Variants in POGZ observed in about 807,000 individuals in gnomAD.
POGZ encodes pogo transposable element with ZNF domain.
A neutral mutation model predicts 134.6 loss-of-function variants in POGZ; 17 were observed. The observed-to-expected ratio is 0.13, with a 90% CI of 0.09 to 0.19. The LOEUF is 0.19. Among genes scored for constraint, POGZ ranks in the 10% least tolerant of loss-of-function variants. The probability of loss-of-function intolerance (pLI) is 1.00; values close to 1 mark genes in which losing one functional copy is unlikely to be tolerated. For missense variants in POGZ, 1,306 were observed against 1,769.7 expected (o/e 0.74, Z 4.70); for synonymous variants, 693 against 657.1 (o/e 1.05, Z -0.84).
At chr1:151,448,647 A>G (rs1661601496) in intron 1 of POGZ, among the ~76,000 whole-genome samples, 2 of 151,986 alleles carry the variant, frequency 1.3e-5, no homozygotes. Flanking sequence ...TAATTCTTTG[A>G]GCCCAGAGGT....
At chr1:151,441,147 G>T (rs574184348) in intron 2 of POGZ, 61 bp from the exon 3 acceptor site, 16 of 1,349,130 alleles carry the variant, frequency 1.2e-5, no homozygotes, top group Admixed American at 2.2e-5. Context: ...AAAGGATACT[G>T]CTCTAATCTT....
intron 10 of POGZ, among the ~76,000 whole-genome samples, chr1:151,416,810 C>T (rs971490533): frequency 3.6e-4 from 55 of 151,724 alleles, no homozygotes; most frequent in African/African-American, 1.2e-3. Context: ...AATACAAAAA[C>T]AGAGAGAGAT....
At position 151,416,210 on chromosome 1, in the gene POGZ, CAAAA is replaced by C. The variant is rs1212371839; in HGVS notation, c.1679-3818_1679-3815del. 7.5e-4 allele frequency among the ~76,000 whole-genome samples: 32 copies of C among 42,774 alleles called. No homozygotes were observed. In the East Asian group the frequency reaches 0.018, roughly 23 times the overall value. The allele number at this position is 42,774 out of a possible 152,430, so 28.1% of individuals were successfully genotyped here. A position where few individuals can be genotyped will look rare whatever the true frequency, so the allele number is the denominator to read the frequency against. On this transcript the variant is annotated intron_variant, in intron 10 of 18. Coordinates refer to ENST00000271715, the MANE Select transcript of POGZ (RefSeq NM_015100.4). ...GGGTGACAAGAGTGAAACTCCATCT[CAAAA>C]AAAAAAAAAAAAAAAAAAAAAGAAA...
chr1:151,432,915 TG>T (rs1171156567), intron 3 of POGZ, among the ~76,000 whole-genome samples: 1 of 152,230 alleles, frequency 6.6e-6, no homozygotes, highest in Non-Finnish European at 1.5e-5. Context: ...GTTTGCAAAG[TG>T]CAACTGATGA....
In POGZ at chr1:151,403,670, T is replaced by C. The variant is rs1426987320; in HGVS notation, c.*1132A>G. On this transcript the variant is annotated 3_prime_UTR_variant, in exon 19 of 19. Transcript: ENST00000271715. Reference sequence around the variant, plus strand: ...GTGCACACCCCTGTGCGCTTCTTCCTGTCAGATTCTTCCCTAAGTATTAAG... The same window carrying C: ...GTGCACACCCCTGTGCGCTTCTTCCCGTCAGATTCTTCCCTAAGTATTAAG... 1.0e-6 allele frequency: 1 copy of C among 985,732 alleles called. No individual in the cohort carries two copies. Among genetic ancestry groups the C allele is most frequent in the Non-Finnish European group, 1.2e-6 (1 of 829,886 alleles). The allele number at this position is 985,732 out of a possible 1,614,324, so 61.1% of individuals were successfully genotyped here. A position where few individuals can be genotyped will look rare whatever the true frequency, so the allele number is the denominator to read the frequency against.
chr1:151,431,175 C>T (rs1426481651), intron 3 of POGZ, among the ~76,000 whole-genome samples: 1 of 152,098 alleles, frequency 6.6e-6, no homozygotes, highest in African/African-American at 2.4e-5. Context: ...ATTTAAGTTT[C>T]ACCCAAATCT....
intron 3 of POGZ, among the ~76,000 whole-genome samples, chr1:151,431,586 C>T (rs1407069891): frequency 6.6e-6 from 1 of 152,148 alleles, no homozygotes; most frequent in Admixed American, 6.5e-5. Flanking sequence ...CCGTAGCCCT[C>T]TCTTTATGTC....
At chr1:151,458,263 G>A (rs1663006859) in intron 1 of POGZ, among the ~76,000 whole-genome samples, 1 of 151,948 alleles carries the variant, frequency 6.6e-6, no homozygotes, top group African/African-American at 2.4e-5. Context: ...TTTGCAAAAG[G>A]TGCCAAGAAT....
At position 151,406,156 on chromosome 1, in the gene POGZ, C is replaced by G. The variant is rs1384096843; in HGVS notation, c.2879G>C (p.Gly960Ala). The part of the protein sequence containing the change: ...PVTQEPELAS[G>A]GGGSGGVGKK... ...GCCAACTCCACCACTACCACCACCA[C>G]CTGATGCTAGCTCAGGTTCTTGGGT... Residue 960 changes from glycine to alanine, a missense_variant, in exon 19 of 19, where the codon GGT becomes GCT. Coordinates refer to ENST00000271715, the MANE Select transcript of POGZ (RefSeq NM_015100.4). 18 of 1,614,094 alleles carry G rather than the reference C, an allele frequency of 1.1e-5. No homozygotes were observed. The highest frequency in any genetic ancestry group is 1.4e-5 in the Non-Finnish European group (17 of 1,180,046).
At chr1:151,440,580 TA>T (rs1660373789) in intron 3 of POGZ, among the ~76,000 whole-genome samples, 1 of 152,156 alleles carries the variant, frequency 6.6e-6, no homozygotes, top group Admixed American at 6.5e-5. Flanking sequence ...GGAAAATTCT[TA>T]CCAAACTAAT....
In POGZ at chr1:151,404,742, C is replaced by A. The variant is rs1653254170; in HGVS notation, c.*60G>T. 2 of 1,514,104 alleles carry A rather than the reference C, an allele frequency of 1.3e-6. No homozygotes were observed. Among genetic ancestry groups the A allele is most frequent in the East Asian group, 4.6e-5 (2 of 43,864 alleles). 93.8% of individuals were successfully genotyped at this position (1,514,104 alleles called of 1,614,324 possible). ...CTGGTATGCCCCCTTTTCCCTAAGC[C>A]CCTTTACCCTCCCTCACATGTTCCC... On this transcript the variant is annotated 3_prime_UTR_variant, in exon 19 of 19. Coordinates refer to ENST00000271715, the MANE Select transcript of POGZ (RefSeq NM_015100.4).
intron 10 of POGZ, 92 bp from the exon 11 acceptor site, chr1:151,412,488 T>C (rs372756102): frequency 4.2e-6 from 3 of 716,566 alleles, no homozygotes; most frequent in East Asian, 5.1e-5. Flanking sequence ...CTCCTTTATT[T>C]TGATTTTCAA....
intron 1 of POGZ, among the ~76,000 whole-genome samples, chr1:151,458,889 C>T (rs1471187621): frequency 7.0e-6 from 1 of 143,366 alleles, no homozygotes; most frequent in Non-Finnish European, 1.5e-5. Context: ...CGCCGCCGGC[C>T]CTTCGCGCGG....
At position 151,405,369 on chromosome 1, in the gene POGZ, G is replaced by C; in HGVS notation, c.3666C>G (p.Ser1222Arg). ...VWQKHTACQR[S>R]KGMLVMDCHR... is the part of the protein sequence containing the mutation. ...GACAGTCCATCACAAGCATGCCTTT[G>C]CTGCGCTGGCAAGCTGTGTGCTTCT... The change falls in exon 19 of 19, where the codon AGC becomes AGG. Residue 1222 changes from serine (S) to arginine (R), a missense_variant. By Grantham distance (110) the Ser-to-Arg change is moderately radical (BLOSUM62 -1). Transcript: ENST00000271715. This position sits in a 1 kb window ranked among gnomAD's most constrained non-coding sequence, Gnocchi z 4.9. The C allele has an allele frequency of 6.2e-7, 1 of 1,614,102 alleles. No individual in the cohort carries two copies. Among genetic ancestry groups the C allele is most frequent in the Non-Finnish European group, 8.5e-7 (1 of 1,179,964 alleles).
intron 1 of POGZ, among the ~76,000 whole-genome samples, chr1:151,458,686 G>A (rs982863028): frequency 2.1e-5 from 3 of 141,670 alleles, no homozygotes; most frequent in Non-Finnish European, 3.1e-5. Context: ...CACCGCCCGC[G>A]CCCCCGCCCC....
chr1:151,425,899 T>C (rs1657685555), intron 7 of POGZ, among the ~76,000 whole-genome samples: 2 of 152,220 alleles, frequency 1.3e-5, no homozygotes, highest in Admixed American at 1.3e-4. Context: ...ACAACAATTC[T>C]ATCATTTTTA....
Position 151,404,894 on chromosome 1 carries a change from G to T in POGZ, c.4141C>A (p.Pro1381Thr). ...TCAAAGAGCTGGTGAAGACTTTCAG[G>T]CTCAATTGTCTCTTCAGGAGATGAT... Reference protein sequence around the residue: ...PRSSPEETIEPESLHQLFEGE... With the variant: ...PRSSPEETIETESLHQLFEGE... Residue 1381 changes from proline (P) to threonine (T), a missense_variant, in exon 19 of 19, where the codon CCT (proline) becomes ACT (threonine). Around this residue, in one of 10 missense-constraint regions of POGZ, gnomAD observed 107 missense variants for 97.9 expected, o/e 1.09. Transcript: ENST00000271715. 1 of 1,614,146 alleles carries T rather than the reference G, an allele frequency of 6.2e-7. No individual in the cohort carries two copies. Among genetic ancestry groups the T allele is most frequent in the Non-Finnish European group, 8.5e-7 (1 of 1,180,040 alleles).
At chr1:151,421,175 G>A (rs866369341) in intron 10 of POGZ, among the ~76,000 whole-genome samples, 5 of 152,126 alleles carry the variant, frequency 3.3e-5, no homozygotes, top group African/African-American at 1.2e-4. Flanking sequence ...GACTGTGATT[G>A]AGACTAAAAT....
rs1658368847 is a variant in POGZ at position 151,429,610 on chromosome 1, T to C, written c.561A>G (p.Leu187=). ...QQGQTVRPIT[L]VPAPGTQFVK... is the part of the protein sequence containing the mutation. ...ATAGACATTTTTCCTTACCTGGAACTAGTGTAATTGGTCTAACCGTTTGGC... is the reference window on the plus strand; with the variant it reads ...ATAGACATTTTTCCTTACCTGGAACCAGTGTAATTGGTCTAACCGTTTGGC... Residue 187 remains leucine, a synonymous_variant, in exon 5 of 19, where the codon CTA becomes CTG. Coordinates refer to ENST00000271715, the MANE Select transcript of POGZ (RefSeq NM_015100.4). 1 of 1,559,006 alleles carries C rather than the reference T, an allele frequency of 6.4e-7. No homozygotes were observed. The highest frequency in any genetic ancestry group is 8.8e-7 in the Non-Finnish European group (1 of 1,131,268).
Sources: gnomAD v4.1 joint callset for allele counts (sites outside exome capture counted in the v4.1 genomes callset) on GRCh38, gnomAD v4.1.1 for gene constraint, gnomAD v4.1.1 regional missense constraint, Gnocchi (gnomAD v3.1) non-coding constraint, MANE v1.5 for transcripts, NCBI Gene and HGNC (gene_info 2026-07-23, HGNC 2026-07-21) for gene names.